IL18RAP: variants seen among roughly 807,000 people sequenced by gnomAD.
IL18RAP encodes interleukin-18 receptor accessory protein.
IL18RAP carries 37 observed loss-of-function variants against 58.1 expected under a neutral mutation model. That is an observed-to-expected ratio of 0.64 (90% CI 0.49 to 0.84). The LOEUF is 0.84. Among genes scored for constraint, IL18RAP ranks in the 40% least tolerant of loss-of-function variants. IL18RAP has a pLI of 0.00. For synonymous variants in IL18RAP, 268 were observed against 257.5 expected, an observed-to-expected ratio of 1.04 and a Z score of -0.39; for missense variants, 667 against 704.8, an observed-to-expected ratio of 0.95 and a Z score of 0.61.
At chr2:102,445,104 T>C in intron 6 of IL18RAP, 85 bp from the exon 7 acceptor site, 2 of 1,238,898 alleles carry the variant, frequency 1.6e-6, no homozygotes, top group Non-Finnish European at 2.3e-6. Flanking sequence ...AGCCAAACTG[T>C]TGGCTGCTTA....
At chr2:102,447,432 C>T (rs1683494782) in intron 8 of IL18RAP, among the ~76,000 whole-genome samples, 1 of 152,156 alleles carries the variant, frequency 6.6e-6, no homozygotes, top group South Asian at 2.1e-4. Flanking sequence ...TGAGGCCTTC[C>T]TCCAGGTCTA....
At chr2:102,445,683 C>T (rs1380618715) in intron 7 of IL18RAP, among the ~76,000 whole-genome samples, 1 of 152,206 alleles carries the variant, frequency 6.6e-6, no homozygotes, top group Non-Finnish European at 1.5e-5. Context: ...AAGACCTAGC[C>T]TCCTTTCCAA....
chr2:102,433,663 A>G (rs1682548133), intron 3 of IL18RAP, among the ~76,000 whole-genome samples: 1 of 152,150 alleles, frequency 6.6e-6, no homozygotes. Flanking sequence ...CTCATGCCTC[A>G]GCCTCCCAAG....
intron 8 of IL18RAP, among the ~76,000 whole-genome samples, chr2:102,448,170 C>G (rs1683548402): frequency 6.6e-6 from 1 of 152,146 alleles, no homozygotes. Context: ...ATCCTACCAG[C>G]CAGGTAGAGA....
At chr2:102,433,797 C>A (rs1321831172) in intron 3 of IL18RAP, among the ~76,000 whole-genome samples, 1 of 147,086 alleles carries the variant, frequency 6.8e-6, no homozygotes, top group South Asian at 2.2e-4. Context: ...CCACCTGCCT[C>A]GGCCTCTCAA....
chr2:102,423,948 C>A lies in IL18RAP; in HGVS notation c.208C>A (p.His70Asn), dbSNP rs1681752123. 6.2e-7 allele frequency: 1 copy of A among 1,614,086 alleles called. No individual in the cohort carries two copies. The highest frequency in any genetic ancestry group is 1.6e-4 in the Middle Eastern group (1 of 6,062). The change falls in exon 2 of 10, where the codon CAC becomes AAC. Residue 70 changes from histidine to asparagine, a missense_variant. By Grantham distance (68) the His-to-Asn change is moderately conservative. Transcript: ENST00000687160. Reference protein sequence around the residue: ...NRLSPKQVPEHLPFMGSNDLS... With the variant: ...NRLSPKQVPENLPFMGSNDLS... ...ACTCTCACCAAAACAAGTCCCTGAG[C>A]ACCTGCCCTTCATGGGTAGTAACGA... is the stretch of plus-strand genomic sequence containing the variant.
chr2:102,430,958 G>A (rs1188464138), intron 3 of IL18RAP, among the ~76,000 whole-genome samples: 1 of 152,022 alleles, frequency 6.6e-6, no homozygotes, highest in Non-Finnish European at 1.5e-5. Context: ...ATGATAAATT[G>A]CTTTATATAC....
intron 3 of IL18RAP, among the ~76,000 whole-genome samples, chr2:102,429,567 T>C (rs1682199170): frequency 6.6e-6 from 1 of 151,922 alleles, no homozygotes; most frequent in Non-Finnish European, 1.5e-5. Flanking sequence ...CTCTGTTTCA[T>C]TTATTTCTGC....
chr2:102,424,852 G>T (rs953546312), intron 3 of IL18RAP, among the ~76,000 whole-genome samples: 4 of 152,212 alleles, frequency 2.6e-5, no homozygotes, highest in African/African-American at 9.6e-5. Context: ...GCTCTTGGAG[G>T]ACAGTTAGGA....
intron 4 of IL18RAP, 57 bp downstream of exon 4, chr2:102,437,419 T>C: frequency 1.3e-6 from 2 of 1,546,344 alleles, no homozygotes; most frequent in Non-Finnish European, 1.8e-6. Flanking sequence ...AAAATTATCT[T>C]CTTTTGGCTT....
intron 3 of IL18RAP, among the ~76,000 whole-genome samples, chr2:102,428,535 GC>G (rs1406469536): frequency 6.6e-6 from 1 of 151,654 alleles, no homozygotes; most frequent in African/African-American, 2.4e-5. Flanking sequence ...GGGAAACACT[GC>G]TAATTTTTAT....
intron 6 of IL18RAP, 148 bp from the exon 7 acceptor site, chr2:102,445,041 A>C: frequency 3.3e-6 from 2 of 610,796 alleles, no homozygotes; most frequent in Non-Finnish European, 5.7e-6. Context: ...GCCCTTTTTG[A>C]CCATCTTACA....
chr2:102,448,955 TA>T, intron 8 of IL18RAP, among the ~76,000 whole-genome samples: 3 of 78,728 alleles, frequency 3.8e-5, no homozygotes, highest in South Asian at 8.3e-4. Flanking sequence ...AGCGATACCC[TA>T]TCTCAAAAAA....
At chr2:102,420,016 G>C (rs763864373), upstream of IL18RAP, among the ~76,000 whole-genome samples, 1 of 152,314 alleles carries the variant, frequency 6.6e-6, no homozygotes, top group Non-Finnish European at 1.5e-5. Flanking sequence ...GGCTCCTTCC[G>C]ATTCGGTGAA....
chr2:102,422,127 T>G (rs3755267), upstream of IL18RAP, among the ~76,000 whole-genome samples: 117,700 of 152,066 alleles, frequency 0.77, 46,563 homozygotes, highest in African/African-American at 0.89. Context: ...ACCCTGAAGC[T>G]CTCCGTTATC....
At chr2:102,447,563 A>G (rs112519267) in intron 8 of IL18RAP, among the ~76,000 whole-genome samples, 12 of 151,936 alleles carry the variant, frequency 7.9e-5, no homozygotes, top group African/African-American at 2.4e-4. Context: ...TCTATAACCA[A>G]CCTAAAGCAA....
intron 3 of IL18RAP, among the ~76,000 whole-genome samples, chr2:102,427,745 C>G (rs923705584): frequency 4.6e-5 from 7 of 151,926 alleles, no homozygotes; most frequent in African/African-American, 1.7e-4. Flanking sequence ...CCTGTGCTTT[C>G]AGGGTCATAT....
intron 3 of IL18RAP, chr2:102,434,550 A>G (rs1451347830): frequency 6.6e-6 from 1 of 152,180 alleles, no homozygotes; most frequent in African/African-American, 2.4e-5. Context: ...TGCTAAAACT[A>G]CGGGCGAGGC....
intron 3 of IL18RAP, among the ~76,000 whole-genome samples, chr2:102,427,840 T>A (rs544356111): frequency 3.2e-4 from 48 of 152,168 alleles, no homozygotes; most frequent in Non-Finnish European, 5.2e-4. Context: ...AGGTCTTCTA[T>A]TTCATTCTTT....
Sources: gnomAD v4.1 joint callset for allele counts (sites outside exome capture counted in the v4.1 genomes callset) on GRCh38, gnomAD v4.1.1 for gene constraint, MANE v1.5 for transcripts, NCBI Gene and HGNC (gene_info 2026-07-23, HGNC 2026-07-21) for gene names.